NR1H4: variants seen among roughly 807,000 people sequenced by gnomAD.
The protein encoded by NR1H4 is bile acid receptor.
A neutral mutation model predicts 58.5 loss-of-function variants in NR1H4; 23 were observed. The observed-to-expected ratio is 0.39, with a 90% CI of 0.28 to 0.56. The LOEUF is 0.56. Among genes scored for constraint, NR1H4 ranks in the 20% least tolerant of loss-of-function variants. The pLI is 0.58. For synonymous variants in NR1H4, 214 were observed against 198.0 expected, an observed-to-expected ratio of 1.08 and a Z score of -0.68; for missense variants, 487 against 576.9, an observed-to-expected ratio of 0.84 and a Z score of 1.60.
At chr12:100,479,729 A>G (rs1953340049) in intron 1 of NR1H4, among the ~76,000 whole-genome samples, 1 of 152,238 alleles carries the variant, frequency 6.6e-6, no homozygotes, top group Non-Finnish European at 1.5e-5. Flanking sequence ...GCCATACAAG[A>G]GCTGCCTACT....
chr12:100,503,299 G>A (rs995644565), intron 3 of NR1H4: 45 of 1,477,966 alleles, frequency 3.0e-5, no homozygotes, highest in Non-Finnish European at 2.9e-5. Context: ...ATTCTGCTCC[G>A]TAATGAAGTT....
intron 3 of NR1H4, among the ~76,000 whole-genome samples, chr12:100,509,212 G>A (rs1386516821): frequency 6.6e-6 from 1 of 152,194 alleles, no homozygotes; most frequent in East Asian, 1.9e-4. Flanking sequence ...CTGTTCATAA[G>A]AGATGGAATT....
At chr12:100,536,292 C>T (rs1954810466) in intron 6 of NR1H4, among the ~76,000 whole-genome samples, 1 of 152,044 alleles carries the variant, frequency 6.6e-6, no homozygotes, top group African/African-American at 2.4e-5. Flanking sequence ...TTTTGTTATT[C>T]ATATTTTATA....
At chr12:100,548,362 A>G (rs1362382193) in intron 9 of NR1H4, among the ~76,000 whole-genome samples, 2 of 138,624 alleles carry the variant, frequency 1.4e-5, no homozygotes, top group Non-Finnish European at 3.0e-5. Context: ...GCAAGACTCC[A>G]TCTCAATTAA....
intron 4 of NR1H4, among the ~76,000 whole-genome samples, chr12:100,513,724 G>T (rs1012872281): frequency 2.6e-5 from 4 of 151,944 alleles, no homozygotes; most frequent in Non-Finnish European, 5.9e-5. Flanking sequence ...GAATCCAGAA[G>T]GTGGAGGTTG....
At chr12:100,509,731 C>T (rs1254248870) in intron 3 of NR1H4, among the ~76,000 whole-genome samples, 1 of 152,042 alleles carries the variant, frequency 6.6e-6, no homozygotes, top group Non-Finnish European at 1.5e-5. Context: ...TAAAGCTCCT[C>T]CTTTGTTTTA....
At chr12:100,541,173 C>G (rs545872615) in intron 9 of NR1H4, among the ~76,000 whole-genome samples, 4 of 152,226 alleles carry the variant, frequency 2.6e-5, no homozygotes, top group African/African-American at 9.6e-5. Context: ...GTATGTAAGA[C>G]TAAGTATCCA....
chr12:100,476,144 C>T (rs981441884), intron 1 of NR1H4, among the ~76,000 whole-genome samples: 4 of 152,114 alleles, frequency 2.6e-5, no homozygotes, highest in African/African-American at 9.7e-5. Context: ...AACTTGAGGG[C>T]GGGTCTTTCT....
At chr12:100,485,507 ATCTAGT>A (rs1336126515) in intron 1 of NR1H4, among the ~76,000 whole-genome samples, 1 of 152,072 alleles carries the variant, frequency 6.6e-6, no homozygotes, top group Non-Finnish European at 1.5e-5. Flanking sequence ...ATATGAATAC[ATCTAGT>A]TCTAGTTCAT....
At chr12:100,528,330 G>C (rs1284230690) in intron 4 of NR1H4, among the ~76,000 whole-genome samples, 1 of 151,818 alleles carries the variant, frequency 6.6e-6, no homozygotes, top group Non-Finnish European at 1.5e-5. Flanking sequence ...TCACGCCACT[G>C]CACTTCAGCC....
chr12:100,516,508 A>G (rs1475202610), intron 4 of NR1H4, among the ~76,000 whole-genome samples: 1 of 152,042 alleles, frequency 6.6e-6, no homozygotes, highest in African/African-American at 2.4e-5. Flanking sequence ...CTGGGACTAC[A>G]GGCACCTGCC....
intron 3 of NR1H4, among the ~76,000 whole-genome samples, chr12:100,496,514 C>T (rs983003344): frequency 3.3e-5 from 5 of 152,154 alleles, no homozygotes; most frequent in Non-Finnish European, 7.4e-5. Flanking sequence ...TAGGGGTGGA[C>T]AACTGCTTTC....
chr12:100,555,428 G>A (rs2136303670), intron 9 of NR1H4, among the ~76,000 whole-genome samples: 1 of 152,286 alleles, frequency 6.6e-6, no homozygotes, highest in South Asian at 2.1e-4. Context: ...CAGCCAGTTT[G>A]TATTTATCCC....
chr12:100,548,236 A>G (rs984757371), intron 9 of NR1H4, among the ~76,000 whole-genome samples: 3 of 151,084 alleles, frequency 2.0e-5, no homozygotes, highest in African/African-American at 4.9e-5. Context: ...GCATGGTGGC[A>G]CGCACCTGTA....
At chr12:100,546,229 T>C (rs192744055) in intron 9 of NR1H4, among the ~76,000 whole-genome samples, 5 of 152,254 alleles carry the variant, frequency 3.3e-5, no homozygotes, top group Admixed American at 2.0e-4. Flanking sequence ...AAAAATATTG[T>C]TTGCTCTTTG....
chr12:100,538,126 CA>C (rs1408230613), intron 8 of NR1H4, among the ~76,000 whole-genome samples: 1 of 152,038 alleles, frequency 6.6e-6, no homozygotes, highest in East Asian at 1.9e-4. Flanking sequence ...CTAGGTTAGA[CA>C]ATAAGGTAAG....
In NR1H4 at chr12:100,537,028, A is replaced by G. The variant is rs773670046; in HGVS notation, c.912A>G (p.Glu304=). ...CCAATCATGTACAGGTTCTTGTAGA[A>G]TTCACAAAAAAGCTACCAGGTATTT... The part of the protein sequence containing the change: ...MATNHVQVLV[E]FTKKLPGFQT... The change falls in exon 8 of 11, where the codon GAA becomes GAG. Residue 304 remains glutamate, a synonymous_variant. Coordinates refer to ENST00000392986, the MANE Select transcript of NR1H4 (RefSeq NM_001206979.2). 1 of 1,602,582 alleles carries G rather than the reference A, an allele frequency of 6.2e-7. No individual in the cohort carries two copies. The highest frequency in any genetic ancestry group is 8.5e-7 in the Non-Finnish European group (1 of 1,173,644).
chr12:100,519,025 T>C (rs1271581811), intron 4 of NR1H4, among the ~76,000 whole-genome samples: 1 of 151,958 alleles, frequency 6.6e-6, no homozygotes, highest in Non-Finnish European at 1.5e-5. Context: ...TGACCTCAAG[T>C]GATCCACCCG....
intron 3 of NR1H4, among the ~76,000 whole-genome samples, chr12:100,500,358 T>C (rs888018112): frequency 1.3e-5 from 2 of 152,162 alleles, no homozygotes; most frequent in Non-Finnish European, 1.5e-5. Flanking sequence ...GCGTGAGAGG[T>C]ACAACATTCA....
Sources: gnomAD v4.1 joint callset for allele counts (sites outside exome capture counted in the v4.1 genomes callset) on GRCh38, gnomAD v4.1.1 for gene constraint, MANE v1.5 for transcripts, NCBI Gene and HGNC (gene_info 2026-07-23, HGNC 2026-07-21) for gene names.